The following DSCAML1 variants were observed in gnomAD, a reference collection of about 807,000 sequenced individuals.
DSCAML1 encodes the protein cell adhesion molecule DSCAML1.
Under a neutral mutation model 200.5 loss-of-function variants are expected in DSCAML1, and 38 were observed. The ratio of observed to expected loss-of-function variants is 0.19; its 90% CI spans 0.15 to 0.25. The LOEUF is 0.25. Among genes scored for constraint, DSCAML1 ranks in the 10% least tolerant of loss-of-function variants. The pLI is 1.00. For synonymous variants in DSCAML1, 1,215 were observed against 1,165.0 expected (o/e 1.04, Z -0.87); for missense variants, 2,223 against 2,858.8 (o/e 0.78, Z 5.07).
At chr11:117,650,633 T>A (rs970865550) in intron 3 of DSCAML1, among the ~76,000 whole-genome samples, 2 of 151,846 alleles carry the variant, frequency 1.3e-5, no homozygotes, top group Non-Finnish European at 2.9e-5. Flanking sequence ...TTGGAGTCCA[T>A]CTGAGTCATT....
At chr11:117,574,928 C>T (rs370807588) in intron 3 of DSCAML1, among the ~76,000 whole-genome samples, 1 of 152,158 alleles carries the variant, frequency 6.6e-6, no homozygotes, top group Non-Finnish European at 1.5e-5. Flanking sequence ...TGGTGGCTCA[C>T]ACCTGTAATC....
chr11:117,699,679 C>T (rs964637012), intron 3 of DSCAML1, among the ~76,000 whole-genome samples: 14 of 152,216 alleles, frequency 9.2e-5, no homozygotes, highest in African/African-American at 1.4e-4. Flanking sequence ...GGGCCATCCC[C>T]GCCCAGTACC....
At chr11:117,536,339 G>T (rs1251318955) in intron 3 of DSCAML1, among the ~76,000 whole-genome samples, 1 of 152,214 alleles carries the variant, frequency 6.6e-6, no homozygotes, top group African/African-American at 2.4e-5. Flanking sequence ...AACATGGCTG[G>T]CCTCCCGGGC....
At chr11:117,759,303 A>G (rs1264458417) in intron 3 of DSCAML1, among the ~76,000 whole-genome samples, 1 of 152,182 alleles carries the variant, frequency 6.6e-6, no homozygotes. Flanking sequence ...GGGAGGGGGA[A>G]ATAGAGGAGG....
At chr11:117,519,862 T>C (rs1457830811) in intron 6 of DSCAML1, among the ~76,000 whole-genome samples, 1 of 152,114 alleles carries the variant, frequency 6.6e-6, no homozygotes, top group Non-Finnish European at 1.5e-5. Context: ...GACAAATGTT[T>C]GTCTGGTCGG....
chr11:117,433,612 G>T, intron 27 of DSCAML1, 141 bp from the exon 28 acceptor site: 1 of 858,870 alleles, frequency 1.2e-6, no homozygotes, highest in Non-Finnish European at 1.7e-6. Context: ...AAGGAGAAAT[G>T]TAAGGACCTA....
At chr11:117,499,514 G>T (rs624515) in intron 11 of DSCAML1, among the ~76,000 whole-genome samples, 98,347 of 151,564 alleles carry the variant, frequency 0.65, 32,176 homozygotes, top group South Asian at 0.81. Context: ...TTTTTACTCT[G>T]TGATCCTTCT....
intron 3 of DSCAML1, among the ~76,000 whole-genome samples, chr11:117,615,713 G>A (rs1379681596): frequency 6.6e-6 from 1 of 151,928 alleles, no homozygotes; most frequent in Non-Finnish European, 1.5e-5. Flanking sequence ...TTTTGGGTGG[G>A]GAAAAAAAAA....
chr11:117,606,812 G>A (rs1170959131), intron 3 of DSCAML1, among the ~76,000 whole-genome samples: 1 of 152,202 alleles, frequency 6.6e-6, no homozygotes, highest in Non-Finnish European at 1.5e-5. Flanking sequence ...GGATTCTGAT[G>A]CTGATGTCTG....
At chr11:117,647,955 TG>T (rs2052550826) in intron 3 of DSCAML1, among the ~76,000 whole-genome samples, 1 of 152,196 alleles carries the variant, frequency 6.6e-6, no homozygotes, top group Non-Finnish European at 1.5e-5. Context: ...ATGGGGCTTC[TG>T]GTCCATCAGT....
intron 3 of DSCAML1, among the ~76,000 whole-genome samples, chr11:117,600,058 A>C (rs1258875942): frequency 1.3e-5 from 2 of 152,246 alleles, no homozygotes; most frequent in Non-Finnish European, 2.9e-5. Context: ...GATAACAGCC[A>C]TAGAGCCCAC....
intron 3 of DSCAML1, among the ~76,000 whole-genome samples, chr11:117,752,746 A>G (rs1055835004): frequency 1.3e-5 from 2 of 152,170 alleles, no homozygotes; most frequent in African/African-American, 4.8e-5. Flanking sequence ...AATGAGGGAG[A>G]AGAAGCCTAT....
At chr11:117,681,045 C>T (rs2053301323) in intron 3 of DSCAML1, among the ~76,000 whole-genome samples, 1 of 152,322 alleles carries the variant, frequency 6.6e-6, no homozygotes, top group South Asian at 2.1e-4. Context: ...CTCATTCGGA[C>T]CCTGGATTCT....
chr11:117,464,969 C>T lies in DSCAML1; in HGVS notation c.3238G>A (p.Glu1080Lys). 6.2e-7 allele frequency: 1 copy of T among 1,614,066 alleles called. No individual in the cohort carries two copies. Among genetic ancestry groups the T allele is most frequent in the Non-Finnish European group, 8.5e-7 (1 of 1,179,996 alleles). Residue 1080 changes from glutamate (E) to lysine (K), a missense_variant, in exon 17 of 33, where the codon GAG (glutamate) becomes AAG (lysine). Coordinates refer to ENST00000651296, the MANE Select transcript of DSCAML1 (RefSeq NM_020693.4). The stretch of plus-strand genomic sequence containing the variant: ...TCCTCCAGAGTGGTGGCATTGATCT[C>T]GCTGGAAGAGGGCCCCGTGCCAGCC... ...NRAGTGPSSS[E>K]INATTLEDVP...
At chr11:117,510,125 C>G (rs1227369874) in intron 8 of DSCAML1, among the ~76,000 whole-genome samples, 1 of 152,216 alleles carries the variant, frequency 6.6e-6, no homozygotes, top group Admixed American at 6.5e-5. Context: ...GAGTGCTGCA[C>G]AGAGGAAGGC....
At chr11:117,701,813 G>A (rs2053672322) in intron 3 of DSCAML1, among the ~76,000 whole-genome samples, 1 of 152,110 alleles carries the variant, frequency 6.6e-6, no homozygotes, top group Non-Finnish European at 1.5e-5. Flanking sequence ...CTACCCTCAG[G>A]CCTGGTGACC....
intron 8 of DSCAML1, among the ~76,000 whole-genome samples, chr11:117,509,635 T>C (rs1291131672): frequency 6.6e-6 from 1 of 152,170 alleles, no homozygotes; most frequent in Non-Finnish European, 1.5e-5. Flanking sequence ...GCTCATTCGG[T>C]ACTAGGAGTG....
intron 3 of DSCAML1, among the ~76,000 whole-genome samples, chr11:117,693,468 G>A (rs1239491694): frequency 6.6e-6 from 1 of 152,078 alleles, no homozygotes; most frequent in Non-Finnish European, 1.5e-5. Flanking sequence ...ATGACTGAAT[G>A]GGCAGGGTCA....
chr11:117,805,314 A>G (rs2055699972), intron 1 of DSCAML1, among the ~76,000 whole-genome samples: 1 of 152,170 alleles, frequency 6.6e-6, no homozygotes, highest in Non-Finnish European at 1.5e-5. Flanking sequence ...CTAAGAATGC[A>G]GCAATAAGGT....
Sources: allele counts gnomAD v4.1 joint callset (sites outside exome capture counted in the v4.1 genomes callset), GRCh38; gene constraint gnomAD v4.1.1; transcripts MANE v1.5; gene names NCBI Gene and HGNC (gene_info 2026-07-23, HGNC 2026-07-21).